SLC35F3: variants seen among roughly 807,000 people sequenced by gnomAD.
SLC35F3 encodes putative thiamine transporter SLC35F3.
A neutral mutation model predicts 49.9 loss-of-function variants in SLC35F3; 25 were observed. The observed-to-expected ratio is 0.50, with a 90% confidence interval of 0.37 to 0.70. The LOEUF (loss-of-function observed/expected upper bound fraction) is 0.70, where lower values mean the gene tolerates loss of function less well. SLC35F3 is among the 30% of genes least tolerant of loss of function. The probability of loss-of-function intolerance (pLI) is 0.00; values close to 1 mark genes in which losing one functional copy is unlikely to be tolerated. For synonymous variants in SLC35F3, 275 were observed against 265.4 expected (o/e 1.04, Z -0.35); for missense variants, 525 against 639.8 (o/e 0.82, Z 1.94).
intron 2 of SLC35F3, among the ~76,000 whole-genome samples, chr1:234,055,869 G>C (rs1216602583): frequency 6.6e-6 from 1 of 152,072 alleles, no homozygotes; most frequent in Non-Finnish European, 1.5e-5. Context: ...TTACTATTGT[G>C]GATAATTTCT....
intron 2 of SLC35F3, among the ~76,000 whole-genome samples, chr1:234,163,230 A>G (rs569239126): frequency 3.3e-5 from 5 of 152,340 alleles, no homozygotes; most frequent in African/African-American, 1.2e-4. Flanking sequence ...AAGGTACATC[A>G]TACAATACAC....
At position 234,285,068 on chromosome 1, in the gene SLC35F3, C is replaced by A. The variant is rs375397342; in HGVS notation, c.609-24033C>A. 5 of 219,184 alleles carry A rather than the reference C, an allele frequency of 2.3e-5. No homozygotes were observed. In the East Asian group the frequency reaches 4.3e-4, roughly 19 times the overall value. 13.6% of individuals were successfully genotyped at this position (219,184 alleles called of 1,614,324 possible). On this transcript the variant is annotated intron_variant, in intron 3 of 7. Coordinates refer to ENST00000366618, the MANE Select transcript of SLC35F3 (RefSeq NM_173508.4). Reference sequence around the variant, plus strand: ...TTAATTGTATAGGGCCACAGGGGAACCCTGCAGAGGAGCTTCAGCTGCATC... The same window carrying A: ...TTAATTGTATAGGGCCACAGGGGAAACCTGCAGAGGAGCTTCAGCTGCATC...
intron 2 of SLC35F3, among the ~76,000 whole-genome samples, chr1:234,207,099 G>C (rs979627362): frequency 6.6e-6 from 1 of 152,072 alleles, no homozygotes; most frequent in Non-Finnish European, 1.5e-5. Context: ...AGCTGTGGTC[G>C]ATGAGTCATC....
At chr1:234,121,133 CTTTT>C (rs66702949) in intron 2 of SLC35F3, among the ~76,000 whole-genome samples, 1 of 102,790 alleles carries the variant, frequency 9.7e-6, no homozygotes. Flanking sequence ...TGAAAAATTA[CTTTT>C]TTTTTTTTTT....
chr1:234,121,430 G>A (rs1665572162), intron 2 of SLC35F3, among the ~76,000 whole-genome samples: 2 of 151,888 alleles, frequency 1.3e-5, no homozygotes, highest in African/African-American at 2.4e-5. Context: ...GAGCCACCAC[G>A]CCCAGCCGAA....
chr1:234,157,216 A>C (rs1484645690), intron 2 of SLC35F3, among the ~76,000 whole-genome samples: 1 of 152,192 alleles, frequency 6.6e-6, no homozygotes, highest in Non-Finnish European at 1.5e-5. Flanking sequence ...CCCTGCTACC[A>C]CGTAATCCAA....
intron 2 of SLC35F3, among the ~76,000 whole-genome samples, chr1:233,924,573 CA>C (rs200976928): frequency 0.11 from 16,833 of 152,148 alleles, 994 homozygotes; most frequent in East Asian, 0.14. Flanking sequence ...TTGATCTTTT[CA>C]AAAAACCAGC....
chr1:234,127,514 G>A (rs560873440), intron 2 of SLC35F3, among the ~76,000 whole-genome samples: 3 of 152,264 alleles, frequency 2.0e-5, no homozygotes, highest in Admixed American at 6.5e-5. Context: ...TGTGATTCAA[G>A]CCAGCTAAAT....
chr1:234,122,744 C>A (rs1389292006), intron 2 of SLC35F3, among the ~76,000 whole-genome samples: 2 of 152,190 alleles, frequency 1.3e-5, no homozygotes, highest in Non-Finnish European at 2.9e-5. Context: ...TGTTAGTCTG[C>A]TGAGAATGAT....
At chr1:233,996,775 G>T (rs60741248) in intron 2 of SLC35F3, among the ~76,000 whole-genome samples, 1 of 152,064 alleles carries the variant, frequency 6.6e-6, no homozygotes, top group East Asian at 1.9e-4. Flanking sequence ...TCTCTCATTC[G>T]ATACTCTCAG....
intron 2 of SLC35F3, among the ~76,000 whole-genome samples, chr1:233,942,220 C>G (rs1157236524): frequency 1.3e-5 from 2 of 151,938 alleles, no homozygotes; most frequent in African/African-American, 2.4e-5. Flanking sequence ...CTCAGCCTCC[C>G]AAAGTGCTGG....
At chr1:234,099,177 A>C (rs1406232592) in intron 2 of SLC35F3, among the ~76,000 whole-genome samples, 4 of 152,162 alleles carry the variant, frequency 2.6e-5, no homozygotes, top group Non-Finnish European at 5.9e-5. Flanking sequence ...TGGAGGTCCA[A>C]GTCTGTTATT....
intron 2 of SLC35F3, among the ~76,000 whole-genome samples, chr1:234,206,917 C>T (rs575489801): frequency 6.6e-6 from 1 of 152,250 alleles, no homozygotes; most frequent in South Asian, 2.1e-4. Flanking sequence ...CATCAACCTC[C>T]TTCCCAAATC....
At chr1:234,078,919 G>T (rs1174009312) in intron 2 of SLC35F3, among the ~76,000 whole-genome samples, 2 of 151,954 alleles carry the variant, frequency 1.3e-5, no homozygotes, top group African/African-American at 4.8e-5. Flanking sequence ...TGCAAAGAGA[G>T]AATTAAAAGA....
Position 234,117,590 on chromosome 1 carries a change from T to TGA in SLC35F3, c.284-113827_284-113826insGA, listed in dbSNP as rs754995935. ...CTGGGTGACAGAGTGAGACCCTGTC[T>TGA]AAAAAAAAAAAACAGGCTGGGCGCA... is the stretch of plus-strand genomic sequence containing the variant. On this transcript the variant is annotated intron_variant, in intron 2 of 7. Transcript: ENST00000366618. Among the ~76,000 whole-genome samples the TGA allele has an allele frequency of 2.9e-5, 4 of 136,062 alleles. No individual in the cohort carries two copies. In the East Asian group the frequency reaches 9.1e-4, roughly 31 times the overall value. The allele number at this position is 136,062 out of a possible 152,430, so 89.3% of individuals were successfully genotyped here. A position where few individuals can be genotyped will look rare whatever the true frequency, so the allele number is the denominator to read the frequency against.
intron 2 of SLC35F3, among the ~76,000 whole-genome samples, chr1:233,972,644 T>C (rs919832381): frequency 1.3e-5 from 2 of 150,600 alleles, no homozygotes; most frequent in Non-Finnish European, 2.9e-5. Context: ...TCATGGTTAT[T>C]ATCATTATCA....
intron 2 of SLC35F3, among the ~76,000 whole-genome samples, chr1:233,928,486 C>T (rs1662195213): frequency 6.6e-6 from 1 of 152,254 alleles, no homozygotes; most frequent in Middle Eastern, 3.4e-3. Flanking sequence ...AATCCCGCTA[C>T]CTGCTTACTG....
At chr1:234,256,913 C>T (rs769010723) in intron 3 of SLC35F3, among the ~76,000 whole-genome samples, 3 of 152,236 alleles carry the variant, frequency 2.0e-5, no homozygotes, top group Non-Finnish European at 2.9e-5. Flanking sequence ...CTCAGCCTGT[C>T]CCAGTGGCCA....
At chr1:234,267,280 A>C (rs1443016360) in intron 3 of SLC35F3, among the ~76,000 whole-genome samples, 1 of 127,022 alleles carries the variant, frequency 7.9e-6, no homozygotes, top group South Asian at 2.7e-4. Flanking sequence ...GTCTACTTCT[A>C]TCCACACAGA....
Sources: allele counts gnomAD v4.1 joint callset (sites outside exome capture counted in the v4.1 genomes callset), GRCh38; gene constraint gnomAD v4.1.1; transcripts MANE v1.5; gene names NCBI Gene and HGNC (gene_info 2026-07-23, HGNC 2026-07-21).